Variants in WDR17 observed in about 807,000 individuals in gnomAD.
The protein encoded by WDR17 is WD repeat domain 17, also known as WD repeat-containing protein 17.
In WDR17, 143 loss-of-function variants were observed where a neutral mutation model predicts 161.7. That is an observed-to-expected ratio of 0.88 (90% CI 0.77 to 1.02). WDR17 has a LOEUF of 1.02. Ranked by LOEUF, WDR17 falls within the 50% of genes least tolerant of loss-of-function variation. WDR17 has a pLI of 0.00. For missense variants in WDR17, 1,469 were observed against 1,520.9 expected (o/e 0.97, Z 0.57); for synonymous variants, 517 against 515.6 (o/e 1.00, Z -0.04).
At chr4:176,149,662 A>G in intron 13 of WDR17, 145 bp from the exon 14 acceptor site, 1 of 796,252 alleles carries the variant, frequency 1.3e-6, no homozygotes, top group Non-Finnish European at 2.0e-6. Context: ...AGTATATTAA[A>G]TGCAGATAGG....
In WDR17 at chr4:176,148,350, A is replaced by G. The variant is rs1361413641; in HGVS notation, c.1897+15A>G. On this transcript the variant is annotated intron_variant, in intron 13 of 28. Coordinates refer to ENST00000508596, the MANE Select transcript of WDR17 (RefSeq NM_181265.4). The stretch of plus-strand genomic sequence containing the variant: ...AGATGTATATGGTAGAGTGTCTTTC[A>G]TTCTTTCATGTATTTGTTATATTGA... 1 of 1,607,270 alleles carries G rather than the reference A, an allele frequency of 6.2e-7. No homozygotes were observed. The highest frequency in any genetic ancestry group is 1.7e-5 in the Admixed American group (1 of 59,770).
intron 1 of WDR17, among the ~76,000 whole-genome samples, chr4:176,070,390 C>T (rs867165813): frequency 1.1e-4 from 17 of 152,254 alleles, no homozygotes; most frequent in African/African-American, 3.6e-4. Flanking sequence ...TTAGGTAATA[C>T]AGCCCTTTAC....
intron 22 of WDR17, among the ~76,000 whole-genome samples, chr4:176,166,346 T>C (rs983217571): frequency 6.6e-6 from 1 of 152,128 alleles, no homozygotes; most frequent in African/African-American, 2.4e-5. Flanking sequence ...TCACTCATGA[T>C]TTTATACTTA....
intron 1 of WDR17, among the ~76,000 whole-genome samples, chr4:176,083,715 A>G (rs923794126): frequency 3.9e-5 from 6 of 152,140 alleles, no homozygotes; most frequent in Admixed American, 2.6e-4. Flanking sequence ...AATGCTGGTC[A>G]TGGGGTATGT....
At chr4:176,097,738 C>CAT (rs1554018065) in intron 1 of WDR17, among the ~76,000 whole-genome samples, 6 of 116,884 alleles carry the variant, frequency 5.1e-5, no homozygotes, top group South Asian at 3.0e-4. Context: ...CACACACACA[C>CAT]ACATACACAC....
chr4:176,116,493 T>C (rs551060824), intron 3 of WDR17, among the ~76,000 whole-genome samples: 15 of 151,984 alleles, frequency 9.9e-5, no homozygotes, highest in Non-Finnish European at 3.0e-5. Flanking sequence ...CTACTTAGAA[T>C]TGGGAACTCG....
chr4:176,155,676 CTAGAACTACA>C (rs1317368020), intron 17 of WDR17, among the ~76,000 whole-genome samples: 1 of 144,384 alleles, frequency 6.9e-6, no homozygotes, highest in African/African-American at 2.6e-5. Context: ...TCCCAAGTAG[CTAGAACTACA>C]AGTGTGCACC....
intron 1 of WDR17, among the ~76,000 whole-genome samples, chr4:176,103,206 G>T (rs1020219631): frequency 3.9e-5 from 6 of 152,138 alleles, no homozygotes; most frequent in African/African-American, 1.4e-4. Flanking sequence ...AAGTTACTAT[G>T]CATGAACAGA....
At chr4:176,114,041 T>C (rs1402549188) in intron 2 of WDR17, among the ~76,000 whole-genome samples, 1 of 152,046 alleles carries the variant, frequency 6.6e-6, no homozygotes, top group Non-Finnish European at 1.5e-5. Context: ...ATTTGTATGG[T>C]AATGTCAGTG....
At chr4:176,165,260 T>C (rs1026142249) in intron 22 of WDR17, among the ~76,000 whole-genome samples, 2 of 151,840 alleles carry the variant, frequency 1.3e-5, no homozygotes, top group Non-Finnish European at 2.9e-5. Flanking sequence ...TACCATCTAC[T>C]TGGGAGTCTG....
intron 1 of WDR17, among the ~76,000 whole-genome samples, chr4:176,084,018 GTTTTGT>G (rs1467982449): frequency 2.6e-5 from 4 of 151,340 alleles, no homozygotes; most frequent in Non-Finnish European, 4.4e-5. Flanking sequence ...AGTCTGTTTT[GTTTTGT>G]TTTTGTTTTT....
At chr4:176,115,718 T>C in intron 2 of WDR17, 78 bp from the exon 3 acceptor site, 2 of 1,152,758 alleles carry the variant, frequency 1.7e-6, no homozygotes, top group East Asian at 2.8e-5. Context: ...TAGCTTTAGT[T>C]TTGTGTAATG....
chr4:176,134,776 A>G (rs1192589667), intron 7 of WDR17, among the ~76,000 whole-genome samples: 1 of 151,756 alleles, frequency 6.6e-6, no homozygotes, highest in Non-Finnish European at 1.5e-5. Context: ...GATTTCTAGC[A>G]TAGTATCCTG....
intron 2 of WDR17, among the ~76,000 whole-genome samples, chr4:176,115,242 A>T (rs1403149758): frequency 6.6e-6 from 1 of 152,058 alleles, no homozygotes; most frequent in Non-Finnish European, 1.5e-5. Context: ...CACTTACAAA[A>T]GAAATAAGAA....
chr4:176,075,801 T>C (rs1429629522), intron 1 of WDR17, among the ~76,000 whole-genome samples: 1 of 151,956 alleles, frequency 6.6e-6, no homozygotes, highest in Admixed American at 6.6e-5. Flanking sequence ...TGATGCCCTA[T>C]GTCTACAAAA....
chr4:176,119,155 G>A (rs1249507962), intron 3 of WDR17, among the ~76,000 whole-genome samples: 2 of 151,842 alleles, frequency 1.3e-5, no homozygotes, highest in African/African-American at 2.4e-5. Context: ...GATCACAATA[G>A]CAGGTATATT....
At position 176,163,615 on chromosome 4, in the gene WDR17, C is replaced by T. The variant is rs186873341; in HGVS notation, c.2990+322C>T. ...CACATATTCCCACATGTTAAAATTC[C>T]GCATATCTACACTTTTTTCTTGTCA... On this transcript the variant is annotated intron_variant, in intron 22 of 28. Transcript: ENST00000508596. Among the ~76,000 whole-genome samples, 620 of 152,188 alleles carry T rather than the reference C, an allele frequency of 4.1e-3. 5 individuals are homozygous for T. The highest frequency in any genetic ancestry group is 0.014 in the African/African-American group (568 of 41,532).
chr4:176,178,133 A>G (rs1332684406), intron 28 of WDR17, among the ~76,000 whole-genome samples: 1 of 151,962 alleles, frequency 6.6e-6, no homozygotes, highest in Admixed American at 6.6e-5. Flanking sequence ...TGCTAGCCCA[A>G]TGAAGAAGGC....
At chr4:176,146,241 A>T in intron 12 of WDR17, 82 bp downstream of exon 12, 1 of 1,404,644 alleles carries the variant, frequency 7.1e-7, no homozygotes, top group Non-Finnish European at 9.7e-7. Context: ...TTTATAGGAG[A>T]TATATAGATA....
Sources: gnomAD v4.1 joint callset for allele counts (sites outside exome capture counted in the v4.1 genomes callset) on GRCh38, gnomAD v4.1.1 for gene constraint, MANE v1.5 for transcripts, NCBI Gene and HGNC (gene_info 2026-07-23, HGNC 2026-07-21) for gene names.